HS6ST3: variants seen among roughly 807,000 people sequenced by gnomAD.
HS6ST3 encodes the protein heparan sulfate 6-O-sulfotransferase 3, also known as heparan-sulfate 6-O-sulfotransferase 3.
HS6ST3 carries 12 observed loss-of-function variants against 36.7 expected under a neutral mutation model. That is an observed-to-expected ratio of 0.33 (90% CI 0.21 to 0.53). HS6ST3 has a LOEUF of 0.53. Ranked by LOEUF, HS6ST3 falls within the 20% of genes least tolerant of loss-of-function variation. The pLI is 0.95. For missense variants in HS6ST3, 584 were observed against 640.9 expected (o/e 0.91, Z 0.96); for synonymous variants, 240 against 257.5 (o/e 0.93, Z 0.65).
chr13:96,300,057 T>C (rs187584585), intron 1 of HS6ST3, among the ~76,000 whole-genome samples: 3,027 of 134,840 alleles, frequency 0.022, 129 homozygotes, highest in African/African-American at 0.082. Context: ...CTTTTTTTTT[T>C]TTTTTTTTTT....
chr13:96,553,989 C>A (rs533309403), intron 1 of HS6ST3, among the ~76,000 whole-genome samples: 113 of 152,166 alleles, frequency 7.4e-4, no homozygotes, highest in Non-Finnish European at 1.4e-3. Context: ...TGCGTGCGTG[C>A]GTGCATGTGT....
intron 1 of HS6ST3, among the ~76,000 whole-genome samples, chr13:96,100,029 A>G (rs1456298302): frequency 6.6e-6 from 1 of 152,188 alleles, no homozygotes; most frequent in African/African-American, 2.4e-5. Context: ...GAGATATCAC[A>G]CAGTGATCAT....
rs1491242538 is a variant in HS6ST3 at position 96,139,567 on chromosome 13, A to AAAAAAAAAAAAAAAAAAAAAAAAAAT, written c.707+47998_707+47999insAAAAAAAAAAAAAAAAAAAAAAAAAT. 5.0e-5 allele frequency among the ~76,000 whole-genome samples: 7 copies of AAAAAAAAAAAAAAAAAAAAAAAAAAT among 138,692 alleles called. 1 individual carries two copies. The highest frequency in any genetic ancestry group is 2.0e-4 in the African/African-American group (7 of 35,600). 91.0% of individuals were successfully genotyped at this position (138,692 alleles called of 152,430 possible). A position where few individuals can be genotyped will look rare whatever the true frequency, so the allele number is the denominator to read the frequency against. The stretch of plus-strand genomic sequence containing the variant: ...AAAAAAAAAAAAAAAAAAAAAAAAA[A>AAAAAAAAAAAAAAAAAAAAAAAAAAT]TCCATGTATAAGTTAATTTGGTATA... On this transcript the variant is annotated intron_variant, in intron 1 of 1. Transcript: ENST00000376705.
intron 1 of HS6ST3, among the ~76,000 whole-genome samples, chr13:96,390,159 T>C (rs1254801241): frequency 6.6e-6 from 1 of 152,232 alleles, no homozygotes; most frequent in African/African-American, 2.4e-5. Context: ...CTGTAATTTC[T>C]ATATCATTCA....
intron 1 of HS6ST3, among the ~76,000 whole-genome samples, chr13:96,096,275 G>A (rs926670700): frequency 6.6e-6 from 1 of 152,122 alleles, no homozygotes; most frequent in East Asian, 1.9e-4. Context: ...GAACTGATGG[G>A]ATTTCAACTC....
chr13:96,702,899 TACTTGG>T (rs1875324971), intron 1 of HS6ST3, among the ~76,000 whole-genome samples: 1 of 152,242 alleles, frequency 6.6e-6, no homozygotes. Flanking sequence ...AGGAATGATA[TACTTGG>T]AAGTGTTTAT....
At chr13:96,699,856 T>C (rs371532935) in intron 1 of HS6ST3, among the ~76,000 whole-genome samples, 7 of 152,190 alleles carry the variant, frequency 4.6e-5, no homozygotes, top group Non-Finnish European at 8.8e-5. Flanking sequence ...AATGTTTTTA[T>C]AATTTTAAAA....
intron 1 of HS6ST3, among the ~76,000 whole-genome samples, chr13:96,335,277 T>C (rs1329458904): frequency 6.6e-6 from 1 of 152,148 alleles, no homozygotes; most frequent in South Asian, 2.1e-4. Flanking sequence ...TTAAAAGAAG[T>C]TGAAAAGTTT....
intron 1 of HS6ST3, among the ~76,000 whole-genome samples, chr13:96,715,286 A>C (rs1046858588): frequency 2.0e-5 from 3 of 152,180 alleles, no homozygotes; most frequent in African/African-American, 7.2e-5. Flanking sequence ...ATTCAAATGA[A>C]TGAAGAACCA....
chr13:96,159,824 G>A lies in HS6ST3; in HGVS notation c.707+68255G>A, dbSNP rs147706138. Among the ~76,000 whole-genome samples, 856 of 152,284 alleles carry A rather than the reference G, an allele frequency of 5.6e-3. 4 individuals are homozygous for A. The highest frequency in any genetic ancestry group is 8.9e-3 in the Non-Finnish European group (603 of 68,020). On this transcript the variant is annotated intron_variant, in intron 1 of 1. Transcript: ENST00000376705. Reference sequence around the variant, plus strand: ...AAAACATGGGAGTTTCTGAGCAAGCGTGTCCTTCCAGTGAACACTAATGAG... The same window carrying A: ...AAAACATGGGAGTTTCTGAGCAAGCATGTCCTTCCAGTGAACACTAATGAG...
rs2054031873 is a variant in HS6ST3, at chr13:96,141,506, A to G, written c.707+49937A>G. On this transcript the variant is annotated intron_variant, in intron 1 of 1. Transcript: ENST00000376705. ...GTAGCTGAGACAGGTGTGCGCCATC[A>G]TGCCCAGCTAATTTTTTTTCATTTT... Among the ~76,000 whole-genome samples, 8 of 152,230 alleles carry G rather than the reference A, an allele frequency of 5.3e-5. 1 individual carries two copies. The highest frequency in any genetic ancestry group is 4.6e-4 in the Admixed American group (7 of 15,292).
intron 1 of HS6ST3, among the ~76,000 whole-genome samples, chr13:96,438,074 C>T (rs1447467002): frequency 6.6e-6 from 1 of 152,208 alleles, no homozygotes; most frequent in African/African-American, 2.4e-5. Flanking sequence ...TTACAAATGT[C>T]AGCAACATTC....
chr13:96,537,185 A>G (rs2056159089), intron 1 of HS6ST3, among the ~76,000 whole-genome samples: 1 of 152,206 alleles, frequency 6.6e-6, no homozygotes, highest in South Asian at 2.1e-4. Flanking sequence ...GGCTTATCTT[A>G]CGTGGAAGCA....
chr13:96,622,399 T>G (rs990870501), intron 1 of HS6ST3, among the ~76,000 whole-genome samples: 1 of 152,176 alleles, frequency 6.6e-6, no homozygotes, highest in African/African-American at 2.4e-5. Flanking sequence ...TTATTCCAGT[T>G]TGTTGAATGG....
intron 1 of HS6ST3, among the ~76,000 whole-genome samples, chr13:96,712,171 C>G (rs1875579073): frequency 6.6e-6 from 1 of 152,178 alleles, no homozygotes; most frequent in African/African-American, 2.4e-5. Context: ...CTTCACTTCA[C>G]TCAGTGACCT....
At chr13:96,478,509 A>T (rs1238457489) in intron 1 of HS6ST3, among the ~76,000 whole-genome samples, 5 of 152,122 alleles carry the variant, frequency 3.3e-5, no homozygotes, top group Admixed American at 3.3e-4. Flanking sequence ...AGAGTTCCAT[A>T]GTCTCATCTC....
intron 1 of HS6ST3, among the ~76,000 whole-genome samples, chr13:96,725,036 T>A (rs1875968338): frequency 6.6e-6 from 1 of 152,204 alleles, no homozygotes; most frequent in Non-Finnish European, 1.5e-5. Context: ...TACTCCGCAT[T>A]GTCCCGGACA....
At chr13:96,203,984 C>T (rs2054356332) in intron 1 of HS6ST3, among the ~76,000 whole-genome samples, 1 of 152,044 alleles carries the variant, frequency 6.6e-6, no homozygotes, top group African/African-American at 2.4e-5. Context: ...AGGAAGCAAG[C>T]TAGCTATTCA....
At chr13:96,217,345 C>G (rs1243237855) in intron 1 of HS6ST3, among the ~76,000 whole-genome samples, 1 of 152,150 alleles carries the variant, frequency 6.6e-6, no homozygotes, top group Non-Finnish European at 1.5e-5. Context: ...ATTTAAAATA[C>G]TGTGCTCAAG....
Sources: gnomAD v4.1 joint callset for allele counts (sites outside exome capture counted in the v4.1 genomes callset) on GRCh38, gnomAD v4.1.1 for gene constraint, MANE v1.5 for transcripts, NCBI Gene and HGNC (gene_info 2026-07-23, HGNC 2026-07-21) for gene names.